SGSM1: variants seen among roughly 807,000 people sequenced by gnomAD.
SGSM1 encodes the protein RUN and TBC1 domain containing 2.
Under a neutral mutation model 133.8 loss-of-function variants are expected in SGSM1, and 73 were observed. That is an observed-to-expected ratio of 0.55 (90% CI 0.45 to 0.66). The LOEUF is 0.66. SGSM1 is among the 30% of genes least tolerant of loss of function. SGSM1 has a pLI of 0.00. For synonymous variants in SGSM1, 563 were observed against 573.0 expected (o/e 0.98, Z 0.25); for missense variants, 1,213 against 1,448.1 (o/e 0.84, Z 2.64).
chr22:24,848,778 T>C (rs773493725), intron 4 of SGSM1, among the ~76,000 whole-genome samples: 18 of 152,244 alleles, frequency 1.2e-4, no homozygotes, highest in Non-Finnish European at 2.4e-4. Context: ...CACAAGCATG[T>C]CCTATGTTTG....
chr22:24,855,518 C>A (rs769675884), intron 7 of SGSM1, 31 bp from the exon 8 acceptor site: 1 of 1,613,616 alleles, frequency 6.2e-7, no homozygotes, highest in Non-Finnish European at 8.5e-7. Context: ...CCCCAGGCCT[C>A]ATCCCTCTGT....
chr22:24,876,826 C>A, intron 13 of SGSM1, 111 bp downstream of exon 13: 2 of 1,405,090 alleles, frequency 1.4e-6, no homozygotes, highest in Non-Finnish European at 1.9e-6. Flanking sequence ...CCTGCGGACT[C>A]AGGCAGATAT....
At position 24,898,567 on chromosome 22, in the gene SGSM1, A is replaced by G. The variant is rs201111462; in HGVS notation, c.2610+8A>G. The G allele has an allele frequency of 2.1e-4, 337 of 1,585,212 alleles. No homozygotes were observed. In the African/African-American group the frequency reaches 3.9e-3, roughly 18 times the overall value. On this transcript the variant is annotated splice_region_variant and intron_variant, in intron 19 of 24. Coordinates refer to ENST00000400358, the MANE Select transcript of SGSM1 (RefSeq NM_001098497.3). ...AGCGGCGTCACCTACTCTGTAAGTC[A>G]CCAGGACCCTCCGTTCCATTTCCTT...
chr22:24,910,436 T>A (rs924601825), intron 21 of SGSM1, among the ~76,000 whole-genome samples: 1 of 152,010 alleles, frequency 6.6e-6, no homozygotes, highest in Non-Finnish European at 1.5e-5. Context: ...TTGCTTGAGA[T>A]CAGGAGTTTG....
intron 22 of SGSM1, among the ~76,000 whole-genome samples, chr22:24,916,893 T>G (rs1205554913): frequency 6.6e-6 from 1 of 152,046 alleles, no homozygotes; most frequent in Non-Finnish European, 1.5e-5. Context: ...TCATTTTGTT[T>G]TTTTAGATAG....
At chr22:24,811,677 G>A (rs554728927) in intron 2 of SGSM1, among the ~76,000 whole-genome samples, 1 of 151,640 alleles carries the variant, frequency 6.6e-6, no homozygotes, top group South Asian at 2.1e-4. Context: ...ACCAGCCTGG[G>A]CAACATAGCA....
Position 24,898,271 on chromosome 22 carries a change from G to C in SGSM1, c.2322G>C (p.Glu774Asp), listed in dbSNP as rs1932980769. 6.2e-7 allele frequency: 1 copy of C among 1,613,800 alleles called. No homozygotes were observed. The highest frequency in any genetic ancestry group is 1.1e-5 in the South Asian group (1 of 91,088). The change falls in exon 19 of 25, where the codon GAG (glutamate) becomes GAC (aspartate). Residue 774 changes from glutamate to aspartate, a missense_variant. Coordinates refer to ENST00000400358, the MANE Select transcript of SGSM1 (RefSeq NM_001098497.3). ...CATCTCAGGATGAGGCTCCCCGGGA[G>C]GAGCTGGCCGTGCAGGACAGCCTGG... ...ATTSQDEAPR[E>D]ELAVQDSLES...
At chr22:24,916,724 G>C (rs7292725) in intron 22 of SGSM1, among the ~76,000 whole-genome samples, 10,942 of 151,910 alleles carry the variant, frequency 0.072, 1,029 homozygotes, top group African/African-American at 0.22. Flanking sequence ...TTTTTATTAC[G>C]AGATAATATT....
intron 19 of SGSM1, among the ~76,000 whole-genome samples, chr22:24,900,956 A>G (rs1276364163): frequency 5.3e-5 from 8 of 152,232 alleles, no homozygotes; most frequent in Non-Finnish European, 8.8e-5. Context: ...TTCTAGTGCC[A>G]GGGAAATAAC....
chr22:24,867,683 C>G (rs1413654860), intron 10 of SGSM1, among the ~76,000 whole-genome samples: 1 of 152,116 alleles, frequency 6.6e-6, no homozygotes, highest in Non-Finnish European at 1.5e-5. Flanking sequence ...TCTTTAAAGC[C>G]AGAAGAAAGT....
chr22:24,818,365 A>T (rs984409744), intron 2 of SGSM1, among the ~76,000 whole-genome samples: 5 of 151,818 alleles, frequency 3.3e-5, no homozygotes, highest in Non-Finnish European at 7.4e-5. Flanking sequence ...TTAGGATTCT[A>T]TTTATTTACT....
intron 12 of SGSM1, among the ~76,000 whole-genome samples, chr22:24,870,585 C>T (rs1931721295): frequency 6.6e-6 from 1 of 152,168 alleles, no homozygotes; most frequent in African/African-American, 2.4e-5. Context: ...CTGTGCTCAC[C>T]CACATCCTCA....
chr22:24,847,871 G>T, intron 4 of SGSM1, 75 bp downstream of exon 4: 1 of 1,535,352 alleles, frequency 6.5e-7, no homozygotes, highest in Non-Finnish European at 8.8e-7. Flanking sequence ...TCCTGAGAGA[G>T]CCTGCAACCC....
chr22:24,868,705 T>C lies in SGSM1; in HGVS notation c.1159-18T>C, dbSNP rs371072887. 7.4e-6 allele frequency: 12 copies of C among 1,613,504 alleles called. No homozygotes were observed. Among genetic ancestry groups the C allele is most frequent in the Non-Finnish European group, 9.3e-6 (11 of 1,179,552 alleles). On this transcript the variant is annotated intron_variant, in intron 11 of 24. Transcript: ENST00000400358. ...CAGATGTGTCCCAAGGACCTTGTTTTGGGACATGTTTTTGCAGGGCAAAGT... is the reference window on the plus strand; with the variant it reads ...CAGATGTGTCCCAAGGACCTTGTTTCGGGACATGTTTTTGCAGGGCAAAGT...
At chr22:24,872,403 A>G (rs1476344921) in intron 12 of SGSM1, among the ~76,000 whole-genome samples, 3 of 152,162 alleles carry the variant, frequency 2.0e-5, no homozygotes, top group Admixed American at 6.5e-5. Context: ...CATGGGCTAC[A>G]TGTGGCTCTT....
At chr22:24,900,347 CT>C (rs1933091552) in intron 19 of SGSM1, among the ~76,000 whole-genome samples, 1 of 43,518 alleles carries the variant, frequency 2.3e-5, no homozygotes, top group African/African-American at 9.5e-5. Context: ...CCTCTTCTTT[CT>C]TTCTTTCTTT....
At chr22:24,921,991 G>A (rs997652649) in intron 24 of SGSM1, among the ~76,000 whole-genome samples, 2 of 152,082 alleles carry the variant, frequency 1.3e-5, no homozygotes, top group Middle Eastern at 3.4e-3. Context: ...GTGAACCACC[G>A]TGCCTAGCCA....
At position 24,806,478 on chromosome 22, in the gene SGSM1, G is replaced by A; in HGVS notation, c.57G>A (p.Lys19=). The change falls in exon 2 of 25, where the codon AAG becomes AAA. Residue 19 remains lysine, a synonymous_variant. Transcript: ENST00000400358. ...ETRQRLLRTV[K]KEVKQIMEEA... Reference sequence around the variant, plus strand: ...GACAGAGGCTGCTACGCACCGTCAAGAAGGAGGTGGGTGCCGGGGTGGGGG... The same window carrying A: ...GACAGAGGCTGCTACGCACCGTCAAAAAGGAGGTGGGTGCCGGGGTGGGGG... The A allele has an allele frequency of 1.3e-6, 2 of 1,515,758 alleles. No individual in the cohort carries two copies. Among genetic ancestry groups the A allele is most frequent in the Non-Finnish European group, 1.8e-6 (2 of 1,132,432 alleles). 93.9% of individuals were successfully genotyped at this position (1,515,758 alleles called of 1,614,324 possible). A position where few individuals can be genotyped will look rare whatever the true frequency, so the allele number is the denominator to read the frequency against.
chr22:24,825,372 C>A (rs1007662517), intron 2 of SGSM1, among the ~76,000 whole-genome samples: 2 of 152,122 alleles, frequency 1.3e-5, no homozygotes, highest in African/African-American at 4.8e-5. Context: ...TGTTGAGGGA[C>A]CCTTGAGTCA....
Sources: allele counts gnomAD v4.1 joint callset (sites outside exome capture counted in the v4.1 genomes callset), GRCh38; gene constraint gnomAD v4.1.1; transcripts MANE v1.5; gene names NCBI Gene and HGNC (gene_info 2026-07-23, HGNC 2026-07-21).